NLGN1: variants seen among roughly 807,000 people sequenced by gnomAD.
NLGN1 encodes the protein neuroligin 1, also known as neuroligin-1.
In NLGN1, 12 loss-of-function variants were observed where a neutral mutation model predicts 65.5. The ratio of observed to expected loss-of-function variants is 0.18; its 90% CI spans 0.12 to 0.30. NLGN1 has a LOEUF of 0.30. Ranked by LOEUF, NLGN1 falls within the 10% of genes least tolerant of loss-of-function variation. NLGN1 has a pLI of 1.00. For synonymous variants in NLGN1, 350 were observed against 359.5 expected (o/e 0.97, Z 0.30); for missense variants, 750 against 1,007.1 (o/e 0.74, Z 3.46).
At chr3:174,260,575 C>G in intron 4 of NLGN1, among the ~76,000 whole-genome samples, 1 of 140,414 alleles carries the variant, frequency 7.1e-6, no homozygotes. Flanking sequence ...ATTGTAGATT[C>G]TGGATATTAG....
intron 4 of NLGN1, among the ~76,000 whole-genome samples, chr3:173,912,015 C>G (rs1198810937): frequency 2.6e-5 from 4 of 152,068 alleles, no homozygotes; most frequent in East Asian, 1.9e-4. Flanking sequence ...AGAACTTTTT[C>G]TAGTATATTT....
chr3:173,500,511 C>T (rs1730889858), intron 2 of NLGN1, among the ~76,000 whole-genome samples: 1 of 151,970 alleles, frequency 6.6e-6, no homozygotes, highest in Non-Finnish European at 1.5e-5. Context: ...CTCTAAAATT[C>T]TCTTTTTTTT....
At chr3:173,856,889 C>T (rs1390425007) in intron 4 of NLGN1, among the ~76,000 whole-genome samples, 1 of 151,780 alleles carries the variant, frequency 6.6e-6, no homozygotes, top group Non-Finnish European at 1.5e-5. Flanking sequence ...TTCAGGTTCA[C>T]AGGGAAGTAA....
chr3:173,681,455 G>A (rs1375083943), intron 3 of NLGN1, among the ~76,000 whole-genome samples: 3 of 152,098 alleles, frequency 2.0e-5, no homozygotes, highest in African/African-American at 7.2e-5. Flanking sequence ...TTGTAAGTAG[G>A]TATTTTTGTG....
In NLGN1 at chr3:173,785,280, T is replaced by C. The variant is rs7624973; in HGVS notation, c.494-22400T>C. 4.0e-3 allele frequency among the ~76,000 whole-genome samples: 612 copies of C among 152,364 alleles called. 5 individuals are homozygous for C. Among genetic ancestry groups the C allele is most frequent in the African/African-American group, 0.014 (587 of 41,598 alleles). On this transcript the variant is annotated intron_variant, in intron 3 of 6. Transcript: ENST00000457714. ...TTTTCTACTTCTGTTTATTTCATTA[T>C]GTTCTAGTGAGCACATTTCTCTTAC...
chr3:173,442,473 G>A (rs571919333), intron 2 of NLGN1, among the ~76,000 whole-genome samples: 2 of 152,190 alleles, frequency 1.3e-5, no homozygotes, highest in African/African-American at 4.8e-5. Flanking sequence ...TTCAACGTGT[G>A]TAATATTCTC....
chr3:174,143,909 A>T (rs946339547), intron 4 of NLGN1, among the ~76,000 whole-genome samples: 1 of 151,910 alleles, frequency 6.6e-6, no homozygotes, highest in African/African-American at 2.4e-5. Context: ...TCTTGTTTCA[A>T]TTGATAGTTT....
chr3:174,062,242 C>A (rs1737579446), intron 4 of NLGN1, among the ~76,000 whole-genome samples: 1 of 151,962 alleles, frequency 6.6e-6, no homozygotes, highest in African/African-American at 2.4e-5. Context: ...GAGTGAGGGA[C>A]AATGGGCGGT....
chr3:173,663,303 A>C (rs1252008694), intron 3 of NLGN1, among the ~76,000 whole-genome samples: 1 of 152,020 alleles, frequency 6.6e-6, no homozygotes, highest in Non-Finnish European at 1.5e-5. Flanking sequence ...CATAACAATG[A>C]TTATGTTAAC....
At chr3:173,902,395 T>C (rs1017023584) in intron 4 of NLGN1, among the ~76,000 whole-genome samples, 3 of 152,106 alleles carry the variant, frequency 2.0e-5, no homozygotes, top group East Asian at 1.9e-4. Context: ...AAACAGAAAA[T>C]ATGATTTTTA....
intron 2 of NLGN1, among the ~76,000 whole-genome samples, chr3:173,502,321 A>T (rs1054669517): frequency 3.9e-5 from 6 of 152,122 alleles, no homozygotes; most frequent in African/African-American, 1.4e-4. Flanking sequence ...GTATATAAAT[A>T]AATCTTCAGG....
chr3:173,744,932 C>T (rs1185000225), intron 3 of NLGN1, among the ~76,000 whole-genome samples: 2 of 151,970 alleles, frequency 1.3e-5, no homozygotes, highest in East Asian at 3.9e-4. Flanking sequence ...CACTCTTTGT[C>T]CGCACTGTCA....
Position 173,714,790 on chromosome 3 carries a change from T to A in NLGN1, c.494-92890T>A, listed in dbSNP as rs987985592. Among the ~76,000 whole-genome samples, 70 of 152,008 alleles carry A rather than the reference T, an allele frequency of 4.6e-4. 1 individual carries two copies. The highest frequency in any genetic ancestry group is 3.4e-4 in the Non-Finnish European group (23 of 67,976). On this transcript the variant is annotated intron_variant, in intron 3 of 6. Transcript: ENST00000457714. ...TCTATAGTATTACAGGAGAAAAATG[T>A]ATGGGTCAGATGAAGAGACTGAAGC... is the stretch of plus-strand genomic sequence containing the variant.
chr3:174,076,724 A>AGTGT (rs143103332), intron 4 of NLGN1, among the ~76,000 whole-genome samples: 115 of 82,112 alleles, frequency 1.4e-3, no homozygotes, highest in South Asian at 3.6e-3. Context: ...AGAGAGAGAG[A>AGTGT]GTGTGTGTGT....
At position 173,575,044 on chromosome 3, in the gene NLGN1, C is replaced by T. The variant is rs75899069; in HGVS notation, c.-320-29235C>T. Among the ~76,000 whole-genome samples the T allele has an allele frequency of 0.01, 1,565 of 152,168 alleles. 36 individuals carry two copies. In the East Asian group the frequency reaches 0.1, roughly 10 times the overall value. On this transcript the variant is annotated intron_variant, in intron 2 of 6. Coordinates refer to ENST00000457714, the Ensembl canonical transcript of NLGN1. ...GAACCACAGTCTCATGCCACCATGC[C>T]GGGCTATTTTTTAAAAAATTTGCAT...
At chr3:174,098,967 A>T (rs1711745285) in intron 4 of NLGN1, among the ~76,000 whole-genome samples, 1 of 152,352 alleles carries the variant, frequency 6.6e-6, no homozygotes, top group Non-Finnish European at 1.5e-5. Context: ...ATGAGATCTC[A>T]TTAAACCAAT....
intron 3 of NLGN1, among the ~76,000 whole-genome samples, chr3:173,779,341 T>C (rs1233484709): frequency 1.3e-5 from 2 of 151,986 alleles, no homozygotes; most frequent in Non-Finnish European, 2.9e-5. Flanking sequence ...AGGACCAACA[T>C]TTTGAATATC....
At chr3:173,680,831 C>T (rs1246310136) in intron 3 of NLGN1, among the ~76,000 whole-genome samples, 1 of 152,110 alleles carries the variant, frequency 6.6e-6, no homozygotes, top group Non-Finnish European at 1.5e-5. Flanking sequence ...ACAGAACGTT[C>T]TGAACAAAGA....
At chr3:174,175,055 T>C (rs1444367079) in intron 4 of NLGN1, among the ~76,000 whole-genome samples, 1 of 152,014 alleles carries the variant, frequency 6.6e-6, no homozygotes, top group Non-Finnish European at 1.5e-5. Context: ...AAAACTTGTT[T>C]TGTGACTTAA....
Sources: allele counts gnomAD v4.1 joint callset (sites outside exome capture counted in the v4.1 genomes callset), GRCh38; gene constraint gnomAD v4.1.1; transcripts MANE v1.5; gene names NCBI Gene and HGNC (gene_info 2026-07-23, HGNC 2026-07-21).